Variants in PPFIBP2 observed in about 807,000 individuals in gnomAD.
PPFIBP2 encodes liprin-beta-2.
Under a neutral mutation model 118.3 loss-of-function variants are expected in PPFIBP2, and 118 were observed. That is an observed-to-expected ratio of 1.00 (90% CI 0.86 to 1.16). The LOEUF (loss-of-function observed/expected upper bound fraction) is 1.16, where lower values mean the gene tolerates loss of function less well. Among genes scored for constraint, PPFIBP2 ranks in the 50% most tolerant of loss-of-function variants. The pLI, the probability that PPFIBP2 is intolerant of heterozygous loss-of-function variation, is 0.00. For synonymous variants in PPFIBP2, 414 were observed against 397.4 expected, an observed-to-expected ratio of 1.04 and a Z score of -0.50; for missense variants, 1,195 against 1,073.1, an observed-to-expected ratio of 1.11 and a Z score of -1.59.
intron 1 of PPFIBP2, among the ~76,000 whole-genome samples, chr11:7,534,063 G>A (rs570296929): frequency 5.7e-4 from 87 of 152,326 alleles, no homozygotes; most frequent in Non-Finnish European, 1.1e-3. Context: ...AAACTGTGGT[G>A]AGGTGAGAGG....
chr11:7,631,806 TCCAAGTCTTA>T (rs1413090980), intron 11 of PPFIBP2, among the ~76,000 whole-genome samples: 3 of 152,200 alleles, frequency 2.0e-5, no homozygotes, highest in Admixed American at 1.3e-4. Context: ...AATAGCGGTG[TCCAAGTCTTA>T]CCAAGTCTTA....
chr11:7,592,119 A>G (rs1859430024), intron 3 of PPFIBP2, among the ~76,000 whole-genome samples: 1 of 152,124 alleles, frequency 6.6e-6, no homozygotes, highest in African/African-American at 2.4e-5. Context: ...AGATTGTATA[A>G]TACTCAGTTC....
chr11:7,599,976 C>T (rs57819348), intron 5 of PPFIBP2, among the ~76,000 whole-genome samples: 4,421 of 152,026 alleles, frequency 0.029, 231 homozygotes, highest in African/African-American at 0.1. Flanking sequence ...TTATTCTAAA[C>T]CCTCTTTCCT....
intron 1 of PPFIBP2, among the ~76,000 whole-genome samples, chr11:7,526,808 A>G (rs1158960820): frequency 6.6e-6 from 1 of 152,138 alleles, no homozygotes; most frequent in African/African-American, 2.4e-5. Flanking sequence ...GGAGAGGGGA[A>G]AGGCTCTGAG....
chr11:7,582,232 C>T (rs374029357), intron 3 of PPFIBP2, among the ~76,000 whole-genome samples: 1 of 152,156 alleles, frequency 6.6e-6, no homozygotes, highest in Non-Finnish European at 1.5e-5. Context: ...TCTGGTTACT[C>T]GGGAGCCAGG....
intron 1 of PPFIBP2, among the ~76,000 whole-genome samples, chr11:7,519,308 G>A (rs974854744): frequency 2.0e-5 from 3 of 152,148 alleles, no homozygotes; most frequent in Admixed American, 2.0e-4. Context: ...AGGCGATCAG[G>A]GCTGCGAGAA....
downstream of PPFIBP2, chr11:7,656,652 G>C: frequency 8.7e-7 from 1 of 1,143,956 alleles, no homozygotes; most frequent in Non-Finnish European, 1.2e-6. Context: ...GTGCCCTCTA[G>C]TTCCGGTGCA....
downstream of PPFIBP2, chr11:7,656,731 T>G (rs928290808): frequency 3.9e-6 from 5 of 1,289,704 alleles, no homozygotes; most frequent in African/African-American, 6.1e-5. Context: ...TTTCAGACAA[T>G]GCTGAGCCAG....
intron 15 of PPFIBP2, 95 bp downstream of exon 15, chr11:7,639,965 C>A: frequency 6.8e-7 from 1 of 1,479,694 alleles, no homozygotes. Context: ...CCACAATCCA[C>A]AATTGGAGAA....
At chr11:7,650,544 G>T (rs1167427313) in intron 21 of PPFIBP2, among the ~76,000 whole-genome samples, 1 of 152,194 alleles carries the variant, frequency 6.6e-6, no homozygotes, top group Non-Finnish European at 1.5e-5. Flanking sequence ...ATCACTGAAA[G>T]AATAACTATA....
chr11:7,634,117 T>C (rs1456365459), intron 12 of PPFIBP2, among the ~76,000 whole-genome samples: 2 of 152,186 alleles, frequency 1.3e-5, no homozygotes, highest in Non-Finnish European at 1.5e-5. Context: ...CCTGGATTAC[T>C]CTTAGACTCA....
At chr11:7,522,363 G>A (rs542598558) in intron 1 of PPFIBP2, among the ~76,000 whole-genome samples, 1 of 152,330 alleles carries the variant, frequency 6.6e-6, no homozygotes, top group South Asian at 2.1e-4. Flanking sequence ...GTGGAAGGGG[G>A]AAGGGAAATG....
At chr11:7,555,797 A>G (rs1390458826) in intron 2 of PPFIBP2, among the ~76,000 whole-genome samples, 1 of 152,116 alleles carries the variant, frequency 6.6e-6, no homozygotes, top group African/African-American at 2.4e-5. Context: ...CTCGTTTTCC[A>G]TTCTCTGAAA....
At chr11:7,598,378 T>C (rs1483203116) in intron 5 of PPFIBP2, 1 of 162,228 alleles carries the variant, frequency 6.2e-6, no homozygotes, top group African/African-American at 2.4e-5. Flanking sequence ...TTGACTTAAC[T>C]TTTTTTCAAT....
At chr11:7,597,730 C>A (rs910957019) in intron 5 of PPFIBP2, 57 bp downstream of exon 5, 2 of 1,369,220 alleles carry the variant, frequency 1.5e-6, no homozygotes, top group African/African-American at 2.9e-5. Flanking sequence ...GTGCTGAAGC[C>A]CCTTTGTGTG....
intron 17 of PPFIBP2, among the ~76,000 whole-genome samples, 196 bp downstream of exon 17, chr11:7,642,622 C>G (rs1272643065): frequency 6.6e-6 from 1 of 152,206 alleles, no homozygotes; most frequent in Non-Finnish European, 1.5e-5. Flanking sequence ...CAGCCAAGAT[C>G]AGTACTCCTG....
At chr11:7,666,323 G>A in the PPFIBP2 span, 27 of 649,452 alleles carry the variant, frequency 4.2e-5, no homozygotes, top group Middle Eastern at 4.3e-4. Flanking sequence ...TCTGGAGCCA[G>A]AGCCCCAGGC....
At chr11:7,597,376 A>G in intron 4 of PPFIBP2, 184 bp from the exon 5 acceptor site, 2 of 1,536,604 alleles carry the variant, frequency 1.3e-6, no homozygotes, top group Non-Finnish European at 8.7e-7. Context: ...CTGGTAAGGT[A>G]AGAATCTAAC....
rs201036381 is a variant in PPFIBP2 at position 7,649,152 on chromosome 11, C to G, written c.1915C>G (p.Leu639Val). Residue 639 changes from leucine to valine, a missense_variant, in exon 20 of 24, where the codon CTT (leucine) becomes GTT (valine). Physicochemically the swap from Leu to Val is conservative, Grantham distance 32. Transcript: ENST00000299492. ...TGGGGTTTTTGTATTTGTAGGGTGG[C>G]TTGATGATATTGGCTTACCCCAGTA... ...LLDHIWVTRW[L>V]DDIGLPQYKD... 1 of 1,613,786 alleles carries G rather than the reference C, an allele frequency of 6.2e-7. No individual in the cohort carries two copies. The highest frequency in any genetic ancestry group is 2.2e-5 in the East Asian group (1 of 44,876).
Sources: gnomAD v4.1 joint callset for allele counts (sites outside exome capture counted in the v4.1 genomes callset) on GRCh38, gnomAD v4.1.1 for gene constraint, MANE v1.5 for transcripts, NCBI Gene and HGNC (gene_info 2026-07-23, HGNC 2026-07-21) for gene names.